Variants in DPY19L1 observed in about 807,000 individuals in gnomAD.
DPY19L1 encodes dpy-19 like C-mannosyltransferase 1.
DPY19L1 carries 35 observed loss-of-function variants against 96.9 expected under a neutral mutation model. The observed-to-expected ratio is 0.36, with a 90% CI of 0.28 to 0.48. The LOEUF (loss-of-function observed/expected upper bound fraction) is 0.48. Among genes scored for constraint, DPY19L1 ranks in the 20% least tolerant of loss-of-function variants. DPY19L1 has a pLI of 0.99. For missense variants in DPY19L1, 521 were observed against 777.9 expected, an observed-to-expected ratio of 0.67 and a Z score of 3.93; for synonymous variants, 205 against 252.6, an observed-to-expected ratio of 0.81 and a Z score of 1.79.
intron 7 of DPY19L1, among the ~76,000 whole-genome samples, chr7:34,988,615 T>C (rs565689023): frequency 6.6e-6 from 1 of 152,204 alleles, no homozygotes; most frequent in African/African-American, 2.4e-5. Flanking sequence ...TTGGAGATGA[T>C]TACTGTTATA....
chr7:35,003,776 C>A (rs1785487041), intron 6 of DPY19L1, among the ~76,000 whole-genome samples: 1 of 152,222 alleles, frequency 6.6e-6, no homozygotes, highest in African/African-American at 2.4e-5. Context: ...GCCTGACAGG[C>A]CTCACAGGGA....
At chr7:34,940,069 G>A in intron 19 of DPY19L1, 84 bp downstream of exon 19, 3 of 1,236,160 alleles carry the variant, frequency 2.4e-6, no homozygotes, top group Non-Finnish European at 2.2e-6. Context: ...AAGTAACTAG[G>A]GTTTAAGAGT....
intron 6 of DPY19L1, chr7:35,000,358 G>C (rs542330945): frequency 6.6e-6 from 1 of 152,234 alleles, no homozygotes; most frequent in South Asian, 2.1e-4. Context: ...CAAACTACCA[G>C]ATCATGCGAA....
At chr7:34,937,889 C>T (rs552230467) in intron 21 of DPY19L1, 105 bp downstream of exon 21, 3 of 1,216,282 alleles carry the variant, frequency 2.5e-6, no homozygotes, top group Non-Finnish European at 3.4e-6. Context: ...TCCATGTATA[C>T]TTTATGTTAT....
At chr7:35,037,792 C>T (rs1413037221), upstream of DPY19L1, 16 of 1,209,278 alleles carry the variant, frequency 1.3e-5, no homozygotes, top group East Asian at 1.7e-4. Flanking sequence ...CGGGGCCCGA[C>T]CCCTCTGGCG....
At position 35,037,234 on chromosome 7, in the gene DPY19L1, C is replaced by G. The variant is rs1384406813; in HGVS notation, c.161G>C (p.Gly54Ala). 4 of 225,586 alleles carry G rather than the reference C, an allele frequency of 1.8e-5. No individual in the cohort carries two copies. Among genetic ancestry groups the G allele is most frequent in the Admixed American group, 5.9e-5 (1 of 17,008 alleles). The allele number at this position is 225,586 out of a possible 1,614,324, so 14.0% of individuals were successfully genotyped here. ...GGGCTCGGCGCGGGGCCCCTTCCTG[C>G]CCGCGGCGCCCTTGCGCCCCGGGGA... ...PLSPGRKGAA[G>A]RKGPRAEPGA... The change falls in exon 1 of 22, where the codon GGC becomes GCC. Residue 54 changes from glycine (G) to alanine (A), a missense_variant. Gly to Ala is a moderately conservative substitution (Grantham distance 60). Transcript: ENST00000638088.
chr7:34,951,724 G>A (rs62461928), intron 13 of DPY19L1, among the ~76,000 whole-genome samples: 29,816 of 150,900 alleles, frequency 0.2, 3,313 homozygotes, highest in Admixed American at 0.36. Context: ...AAACCAAAGA[G>A]GACTAAAAAA....
intron 6 of DPY19L1, among the ~76,000 whole-genome samples, chr7:34,994,776 C>T (rs1038112422): frequency 4.0e-5 from 6 of 151,572 alleles, no homozygotes; most frequent in African/African-American, 1.5e-4. Flanking sequence ...TGTACTCCAG[C>T]CTGTGCGACA....
chr7:34,952,605 T>G (rs1784290146), intron 13 of DPY19L1, among the ~76,000 whole-genome samples: 1 of 152,070 alleles, frequency 6.6e-6, no homozygotes, highest in Non-Finnish European at 1.5e-5. Context: ...CAAATATTCC[T>G]CATGAGTAAT....
rs187235214 is a variant in DPY19L1 at position 34,959,145 on chromosome 7, C to G, written c.1093-1075G>C. Among the ~76,000 whole-genome samples, 122 of 152,174 alleles carry G rather than the reference C, an allele frequency of 8.0e-4. 1 individual carries two copies. The highest frequency in any genetic ancestry group is 1.8e-4 in the Non-Finnish European group (12 of 68,006). Reference sequence around the variant, plus strand: ...ATCATAATTGGTCATCAGAGAAATGCAAATCAAAACCACAATGAGATAACA... The same window carrying G: ...ATCATAATTGGTCATCAGAGAAATGGAAATCAAAACCACAATGAGATAACA... On this transcript the variant is annotated intron_variant, in intron 10 of 21. Transcript: ENST00000638088.
intron 7 of DPY19L1, among the ~76,000 whole-genome samples, chr7:34,980,561 A>C (rs1784918973): frequency 6.6e-6 from 1 of 152,166 alleles, no homozygotes; most frequent in South Asian, 2.1e-4. Context: ...ATATTCTATA[A>C]AGAACTCCAC....
intron 10 of DPY19L1, among the ~76,000 whole-genome samples, chr7:34,959,611 G>C (rs1248729020): frequency 6.6e-6 from 1 of 151,694 alleles, no homozygotes; most frequent in Admixed American, 6.6e-5. Context: ...AACTAACACA[G>C]GAACAGAAAA....
intron 7 of DPY19L1, among the ~76,000 whole-genome samples, chr7:34,977,027 G>A (rs1784845389): frequency 6.6e-6 from 1 of 152,066 alleles, no homozygotes; most frequent in African/African-American, 2.4e-5. Flanking sequence ...GACCTCAGGT[G>A]ATCCGCCTGC....
At chr7:34,990,481 G>A (rs916694234) in intron 6 of DPY19L1, among the ~76,000 whole-genome samples, 2 of 152,158 alleles carry the variant, frequency 1.3e-5, no homozygotes, top group African/African-American at 2.4e-5. Context: ...CCATCCCCAA[G>A]CTACTTTTCT....
At chr7:34,998,637 G>A (rs1193926133) in intron 6 of DPY19L1, among the ~76,000 whole-genome samples, 1 of 152,200 alleles carries the variant, frequency 6.6e-6, no homozygotes, top group East Asian at 1.9e-4. Context: ...AAACGAAAAA[G>A]CAACAAGATG....
At chr7:34,980,729 C>T (rs1161305818) in intron 7 of DPY19L1, among the ~76,000 whole-genome samples, 19 of 152,012 alleles carry the variant, frequency 1.2e-4, no homozygotes, top group Admixed American at 1.2e-3. Context: ...AAACTAAACC[C>T]ATAATAAGGT....
intron 6 of DPY19L1, among the ~76,000 whole-genome samples, chr7:34,995,871 G>T (rs1247850122): frequency 1.4e-5 from 2 of 144,858 alleles, no homozygotes; most frequent in African/African-American, 5.1e-5. Context: ...TGCCAAGCAG[G>T]CCTGGTTCAG....
In DPY19L1 at chr7:35,025,181, C is replaced by T. The variant is rs575303459; in HGVS notation, c.299-6585G>A. On this transcript the variant is annotated intron_variant, in intron 1 of 21. Coordinates refer to ENST00000638088, the MANE Select transcript of DPY19L1 (RefSeq NM_001366673.1). The stretch of plus-strand genomic sequence containing the variant: ...GAGAAAGAGAAAGCAGTCACAGATC[C>T]CACAAGCTCAGCTTCTTCCTCCTCC... Among the ~76,000 whole-genome samples the T allele has an allele frequency of 1.7e-4, 26 of 152,166 alleles. No individual in the cohort carries two copies. The South Asian group carries it at 3.7e-3, about 22-fold the overall frequency.
At chr7:34,947,594 C>A (rs1562802251) in intron 15 of DPY19L1, 36 bp downstream of exon 15, 7 of 1,553,948 alleles carry the variant, frequency 4.5e-6, no homozygotes, top group African/African-American at 1.4e-5. Context: ...AGAAAATATT[C>A]TATTATAAGA....
Sources: gnomAD v4.1 joint callset for allele counts (sites outside exome capture counted in the v4.1 genomes callset) on GRCh38, gnomAD v4.1.1 for gene constraint, MANE v1.5 for transcripts, NCBI Gene and HGNC (gene_info 2026-07-23, HGNC 2026-07-21) for gene names.